The following MCC variants were observed in gnomAD, a reference collection of about 807,000 sequenced individuals.
The protein encoded by MCC is colorectal mutant cancer protein.
Under a neutral mutation model 116.2 loss-of-function variants are expected in MCC, and 90 were observed. The ratio of observed to expected loss-of-function variants is 0.77; its 90% CI spans 0.65 to 0.92. The LOEUF (loss-of-function observed/expected upper bound fraction) is 0.92. Among genes scored for constraint, MCC ranks in the 40% least tolerant of loss-of-function variants. The pLI is 0.00. For synonymous variants in MCC, 578 were observed against 510.5 expected (o/e 1.13, Z -1.78); for missense variants, 1,516 against 1,312.2 (o/e 1.16, Z -2.40).
intron 3 of MCC, among the ~76,000 whole-genome samples, chr5:113,301,871 C>T (rs1766870052): frequency 6.6e-6 from 1 of 152,188 alleles, no homozygotes; most frequent in Admixed American, 6.5e-5. Context: ...AGAGCCAAAT[C>T]GTGCAGAATA....
At chr5:113,066,078 T>A (rs1038722787) in intron 13 of MCC, among the ~76,000 whole-genome samples, 2 of 152,256 alleles carry the variant, frequency 1.3e-5, no homozygotes, top group Non-Finnish European at 2.9e-5. Flanking sequence ...TACTGGCTCA[T>A]ATTATAAATG....
chr5:113,297,459 G>T lies in MCC; in HGVS notation c.627+43060C>A, dbSNP rs371508310. 2.0e-5 allele frequency among the ~76,000 whole-genome samples: 3 copies of T among 152,154 alleles called. No individual in the cohort carries two copies. The East Asian group carries it at 5.8e-4, about 29-fold the overall frequency. On this transcript the variant is annotated intron_variant, in intron 3 of 18. Transcript: ENST00000408903. Reference sequence around the variant, plus strand: ...CAGGTGCCTGTAATCCCAGCTACTCGGGAGGCTGAGAAGGAGAATCGCTTG... The same window carrying T: ...CAGGTGCCTGTAATCCCAGCTACTCTGGAGGCTGAGAAGGAGAATCGCTTG...
chr5:113,231,765 T>A (rs1156402581), intron 3 of MCC, among the ~76,000 whole-genome samples: 1 of 152,158 alleles, frequency 6.6e-6, no homozygotes, highest in Non-Finnish European at 1.5e-5. Flanking sequence ...GTATTGAACT[T>A]TGAGACAAAT....
chr5:113,314,770 T>C (rs1767239204), intron 3 of MCC, among the ~76,000 whole-genome samples: 1 of 152,160 alleles, frequency 6.6e-6, no homozygotes, highest in African/African-American at 2.4e-5. Context: ...GTATTTTTAG[T>C]AGAGACAGGG....
intron 3 of MCC, among the ~76,000 whole-genome samples, chr5:113,273,207 C>T (rs987608525): frequency 6.6e-6 from 1 of 152,146 alleles, no homozygotes; most frequent in Non-Finnish European, 1.5e-5. Flanking sequence ...AAGTTTCCTC[C>T]AAAGCAGAAA....
At chr5:113,442,640 T>C (rs1186525043) in intron 1 of MCC, among the ~76,000 whole-genome samples, 2 of 152,248 alleles carry the variant, frequency 1.3e-5, no homozygotes, top group Non-Finnish European at 2.9e-5. Flanking sequence ...AGGTCTTACA[T>C]TTAGGTCTTT....
chr5:113,418,373 T>C (rs576906348), intron 1 of MCC, among the ~76,000 whole-genome samples: 33 of 152,198 alleles, frequency 2.2e-4, no homozygotes, highest in Non-Finnish European at 4.4e-4. Context: ...TCATTCATTG[T>C]GCCAAAGTTT....
intron 3 of MCC, among the ~76,000 whole-genome samples, chr5:113,320,757 A>G (rs899939912): frequency 6.6e-6 from 1 of 152,210 alleles, no homozygotes; most frequent in Non-Finnish European, 1.5e-5. Flanking sequence ...TGGCACAAAA[A>G]CACTGCTAAA....
chr5:113,055,022 T>C (rs552623965), intron 14 of MCC, among the ~76,000 whole-genome samples: 1 of 152,292 alleles, frequency 6.6e-6, no homozygotes, highest in African/African-American at 2.4e-5. Context: ...TAGGGGTGAC[T>C]CGCCCCTCAT....
chr5:113,468,143 T>C (rs1771969487), intron 1 of MCC, among the ~76,000 whole-genome samples: 1 of 152,208 alleles, frequency 6.6e-6, no homozygotes. Flanking sequence ...ACAATCTGAC[T>C]TCCTCTTTTC....
intron 1 of MCC, among the ~76,000 whole-genome samples, chr5:113,485,882 T>TAAAAC (rs1270282283): frequency 6.6e-6 from 1 of 152,096 alleles, no homozygotes; most frequent in Non-Finnish European, 1.5e-5. Flanking sequence ...GTTTTTAAGG[T>TAAAAC]TTTAATGTTA....
intron 3 of MCC, among the ~76,000 whole-genome samples, chr5:113,293,737 G>A (rs1766599468): frequency 6.6e-6 from 1 of 152,132 alleles, no homozygotes; most frequent in Admixed American, 6.6e-5. Flanking sequence ...AGACTCAGGA[G>A]TCCAGATCCG....
intron 3 of MCC, among the ~76,000 whole-genome samples, chr5:113,212,489 C>G (rs1763169334): frequency 6.6e-6 from 1 of 152,150 alleles, no homozygotes; most frequent in Non-Finnish European, 1.5e-5. Flanking sequence ...AAAAAGATCT[C>G]ACGTTGCAGA....
At chr5:113,276,705 G>C (rs902444358) in intron 3 of MCC, among the ~76,000 whole-genome samples, 1 of 152,044 alleles carries the variant, frequency 6.6e-6, no homozygotes, top group Admixed American at 6.6e-5. Flanking sequence ...CGGCTCACTG[G>C]GGCCTCGACT....
At chr5:113,340,454 T>C in intron 3 of MCC, 65 bp downstream of exon 3, 1 of 1,390,414 alleles carries the variant, frequency 7.2e-7, no homozygotes. Flanking sequence ...AGCACAAAAT[T>C]AAAATATTTG....
intron 3 of MCC, among the ~76,000 whole-genome samples, chr5:113,337,041 A>C (rs1201228547): frequency 6.6e-6 from 1 of 152,166 alleles, no homozygotes; most frequent in African/African-American, 2.4e-5. Flanking sequence ...GGACCATGTA[A>C]ACATTTCTCC....
chr5:113,122,392 G>C (rs1389045631), intron 6 of MCC, among the ~76,000 whole-genome samples: 2 of 152,150 alleles, frequency 1.3e-5, no homozygotes, highest in Non-Finnish European at 2.9e-5. Flanking sequence ...TCATAGTTCA[G>C]ATATTACTGT....
intron 8 of MCC, among the ~76,000 whole-genome samples, chr5:113,097,126 A>T (rs1756073234): frequency 6.6e-6 from 1 of 152,166 alleles, no homozygotes. Flanking sequence ...AAGGACAAAA[A>T]AGAAGACTCA....
At chr5:113,327,858 T>C (rs1767607462) in intron 3 of MCC, among the ~76,000 whole-genome samples, 1 of 151,390 alleles carries the variant, frequency 6.6e-6, no homozygotes, top group Non-Finnish European at 1.5e-5. Flanking sequence ...CTAACATTAT[T>C]ATACCTCAGT....
Sources: gnomAD v4.1 joint callset for allele counts (sites outside exome capture counted in the v4.1 genomes callset) on GRCh38, gnomAD v4.1.1 for gene constraint, MANE v1.5 for transcripts, NCBI Gene and HGNC (gene_info 2026-07-23, HGNC 2026-07-21) for gene names.